ATXN7L1: variants seen among roughly 807,000 people sequenced by gnomAD.
ATXN7L1 encodes ataxin 7 like 1.
Under a neutral mutation model 70.8 loss-of-function variants are expected in ATXN7L1, and 15 were observed. That is an observed-to-expected ratio of 0.21 (90% CI 0.14 to 0.33). ATXN7L1 has a LOEUF of 0.33. ATXN7L1 is among the 10% of genes least tolerant of loss of function. The probability of loss-of-function intolerance (pLI) is 1.00; values close to 1 mark genes in which losing one functional copy is unlikely to be tolerated. For synonymous variants in ATXN7L1, 440 were observed against 445.1 expected (o/e 0.99, Z 0.14); for missense variants, 975 against 1,097.1 (o/e 0.89, Z 1.57).
chr7:105,875,913 T>A lies in ATXN7L1; in HGVS notation c.182-33A>T. On this transcript the variant is annotated intron_variant, in intron 1 of 11. Transcript: ENST00000419735. Reference sequence around the variant, plus strand: ...TGAAAAAGAAAAGGAAAACAGAAAATAAGGAAAAAAGGGGGGAAAAAAGCC... The same window carrying A: ...TGAAAAAGAAAAGGAAAACAGAAAAAAAGGAAAAAAGGGGGGAAAAAAGCC... 1 of 1,592,838 alleles carries A rather than the reference T, an allele frequency of 6.3e-7. No homozygotes were observed. Among genetic ancestry groups the A allele is most frequent in the South Asian group, 1.1e-5 (1 of 89,426 alleles).
intron 3 of ATXN7L1, among the ~76,000 whole-genome samples, chr7:105,772,395 C>G (rs1025733822): frequency 6.6e-6 from 1 of 151,944 alleles, no homozygotes; most frequent in Non-Finnish European, 1.5e-5. Context: ...TTTAAAAAGC[C>G]AGCGATATAC....
chr7:105,701,572 T>C (rs772457075), intron 3 of ATXN7L1, among the ~76,000 whole-genome samples: 3 of 152,214 alleles, frequency 2.0e-5, no homozygotes, highest in Admixed American at 6.5e-5. Flanking sequence ...TATATTATTA[T>C]GCAAAACAGC....
intron 3 of ATXN7L1, among the ~76,000 whole-genome samples, chr7:105,667,236 G>A (rs1446098753): frequency 2.0e-5 from 3 of 152,208 alleles, no homozygotes; most frequent in Non-Finnish European, 4.4e-5. Flanking sequence ...ACCCAGAGAG[G>A]TGAGGTGATT....
chr7:105,754,955 C>A (rs566799697), intron 3 of ATXN7L1, among the ~76,000 whole-genome samples: 2 of 152,316 alleles, frequency 1.3e-5, no homozygotes, highest in East Asian at 3.9e-4. Flanking sequence ...TGGGTACCAT[C>A]CAGCCCTGGG....
chr7:105,790,634 CTAT>C (rs765621185), intron 2 of ATXN7L1, among the ~76,000 whole-genome samples: 24 of 150,836 alleles, frequency 1.6e-4, no homozygotes, highest in African/African-American at 5.4e-4. Flanking sequence ...ATCTATCTAT[CTAT>C]CTATCTATCT....
intron 2 of ATXN7L1, among the ~76,000 whole-genome samples, chr7:105,850,079 T>C (rs1427259995): frequency 6.6e-6 from 1 of 152,258 alleles, no homozygotes; most frequent in Non-Finnish European, 1.5e-5. Context: ...GCAGTGCTTT[T>C]TCTCAGTGTT....
intron 2 of ATXN7L1, among the ~76,000 whole-genome samples, chr7:105,802,522 G>C (rs1290610981): frequency 6.6e-6 from 1 of 152,172 alleles, no homozygotes; most frequent in African/African-American, 2.4e-5. Flanking sequence ...GTGAGTCAGG[G>C]AAAATTCAAT....
chr7:105,806,307 G>A (rs1206857367), intron 2 of ATXN7L1, among the ~76,000 whole-genome samples: 2 of 152,090 alleles, frequency 1.3e-5, no homozygotes. Context: ...GCCCTTGTAA[G>A]GAAAGGAAGA....
At chr7:105,615,042 G>T (rs1284888996) in intron 9 of ATXN7L1, among the ~76,000 whole-genome samples, 1 of 152,016 alleles carries the variant, frequency 6.6e-6, no homozygotes, top group Non-Finnish European at 1.5e-5. Context: ...CAGTCTTTCA[G>T]ATCCTTTTCT....
rs11417434 is a variant in ATXN7L1 at position 105,632,921 on chromosome 7, TAAAAAAAAAAAA to T, written c.1202+5420_1202+5431del. On this transcript the variant is annotated intron_variant, in intron 7 of 11. Coordinates refer to ENST00000419735, the MANE Select transcript of ATXN7L1 (RefSeq NM_020725.2). ...GGGTTACAGAATGTAATCTTGTCTT[TAAAAAAAAAAAA>T]AAAAAAAAAAAAAAAGAAGAAGAGT... Among the ~76,000 whole-genome samples, 307 of 60,070 alleles carry T rather than the reference TAAAAAAAAAAAA, an allele frequency of 5.1e-3. 4 individuals carry two copies. Among genetic ancestry groups the T allele is most frequent in the South Asian group, 8.4e-3 (8 of 958 alleles). The allele number at this position is 60,070 out of a possible 152,430, so 39.4% of individuals were successfully genotyped here. A position where few individuals can be genotyped will look rare whatever the true frequency, so the allele number is the denominator to read the frequency against.
intron 7 of ATXN7L1, among the ~76,000 whole-genome samples, chr7:105,638,094 A>G (rs186926031): frequency 1.7e-3 from 258 of 152,340 alleles, no homozygotes; most frequent in African/African-American, 5.8e-3. Flanking sequence ...CTTGTCTGCC[A>G]TGAAGTCCGC....
chr7:105,624,201 G>T lies in ATXN7L1; in HGVS notation c.1269C>A (p.Pro423=), dbSNP rs886086146. 8 of 1,523,592 alleles carry T rather than the reference G, an allele frequency of 5.3e-6. No individual in the cohort carries two copies. In the Admixed American group the frequency reaches 1.7e-4, roughly 32 times the overall value. 94.4% of individuals were successfully genotyped at this position (1,523,592 alleles called of 1,614,324 possible). Reference sequence around the variant, plus strand: ...GGTCACCTCCAACCGGTGGGAGTGGGGGCTCTGGAGTGTGGCCGCTATGAT... The same window carrying T: ...GGTCACCTCCAACCGGTGGGAGTGGTGGCTCTGGAGTGTGGCCGCTATGAT... The part of the protein sequence containing the change: ...SSNHSGHTPE[P]PLPPVGGDLA... Residue 423 remains proline (P), a synonymous_variant, in exon 8 of 12, where the codon CCC becomes CCA. Coordinates refer to ENST00000419735, the MANE Select transcript of ATXN7L1 (RefSeq NM_020725.2).
chr7:105,777,127 G>A lies in ATXN7L1; in HGVS notation c.355+11477C>T, dbSNP rs866950250. On this transcript the variant is annotated intron_variant, in intron 3 of 11. Coordinates refer to ENST00000419735, the MANE Select transcript of ATXN7L1 (RefSeq NM_020725.2). The stretch of plus-strand genomic sequence containing the variant: ...CAGTCCTAGCCTTCAGGAACTCACT[G>A]TCTAGTGTTCACAGTGACTCTTCTG... 9.9e-5 allele frequency among the ~76,000 whole-genome samples: 15 copies of A among 152,276 alleles called. No individual in the cohort carries two copies. The Middle Eastern group carries it at 0.014, about 138-fold the overall frequency.
At chr7:105,872,675 G>C (rs1818439567) in intron 2 of ATXN7L1, among the ~76,000 whole-genome samples, 1 of 152,132 alleles carries the variant, frequency 6.6e-6, no homozygotes. Context: ...ATGGGGAATG[G>C]GGAGTGATTG....
At chr7:105,636,169 C>T (rs933884193) in intron 7 of ATXN7L1, among the ~76,000 whole-genome samples, 6 of 151,956 alleles carry the variant, frequency 3.9e-5, no homozygotes, top group Non-Finnish European at 8.8e-5. Context: ...CCGAGGTGGG[C>T]GAATCACCTG....
At chr7:105,635,754 G>A (rs1206952145) in intron 7 of ATXN7L1, among the ~76,000 whole-genome samples, 3 of 151,880 alleles carry the variant, frequency 2.0e-5, no homozygotes, top group South Asian at 2.1e-4. Context: ...GAAAAGATAC[G>A]TATGAAATAA....
intron 3 of ATXN7L1, chr7:105,760,603 T>A (rs6953345): frequency 1.0e-6 from 1 of 971,312 alleles, no homozygotes; most frequent in African/African-American, 1.8e-5. Context: ...TGAGTCCCCA[T>A]CCTCACAGAG....
At chr7:105,618,590 A>G (rs1387260099) in intron 9 of ATXN7L1, among the ~76,000 whole-genome samples, 1 of 152,118 alleles carries the variant, frequency 6.6e-6, no homozygotes, top group Non-Finnish European at 1.5e-5. Context: ...GAATCCTGGA[A>G]GAGGGGCAAA....
rs983986693 is a variant in ATXN7L1, at chr7:105,711,575, T to A, written c.356-46287A>T. Among the ~76,000 whole-genome samples the A allele has an allele frequency of 6.6e-5, 10 of 152,254 alleles. No individual in the cohort carries two copies. In the South Asian group the frequency reaches 1.2e-3, roughly 19 times the overall value. Reference sequence around the variant, plus strand: ...AGTTTGAAACCTAGTAGGGCAGTCATTAAATCTTAAAGCTCCAAAATAATC... The same window carrying A: ...AGTTTGAAACCTAGTAGGGCAGTCAATAAATCTTAAAGCTCCAAAATAATC... On this transcript the variant is annotated intron_variant, in intron 3 of 11. Coordinates refer to ENST00000419735, the MANE Select transcript of ATXN7L1 (RefSeq NM_020725.2).
Sources: allele counts gnomAD v4.1 joint callset (sites outside exome capture counted in the v4.1 genomes callset), GRCh38; gene constraint gnomAD v4.1.1; transcripts MANE v1.5; gene names NCBI Gene and HGNC (gene_info 2026-07-23, HGNC 2026-07-21).